The following NYAP2 variants were observed in gnomAD, a reference collection of about 807,000 sequenced individuals.
NYAP2 encodes neuronal tyrosine-phosphorylated phosphoinositide-3-kinase adaptor 2.
NYAP2 carries 23 observed loss-of-function variants against 50.4 expected under a neutral mutation model. The ratio of observed to expected loss-of-function variants is 0.46; its 90% CI spans 0.33 to 0.65. NYAP2 has a LOEUF of 0.65. NYAP2 is among the 30% of genes least tolerant of loss of function. NYAP2 has a pLI of 0.02. For synonymous variants in NYAP2, 394 were observed against 365.2 expected (o/e 1.08, Z -0.90); for missense variants, 885 against 861.0 (o/e 1.03, Z -0.35).
At chr2:225,555,569 C>T (rs1377969457) in intron 4 of NYAP2, among the ~76,000 whole-genome samples, 1 of 152,130 alleles carries the variant, frequency 6.6e-6, no homozygotes. Context: ...AGATGTGTGA[C>T]CCATCCATCT....
intron 4 of NYAP2, among the ~76,000 whole-genome samples, chr2:225,529,803 G>A (rs956163811): frequency 6.6e-6 from 1 of 152,190 alleles, no homozygotes; most frequent in African/African-American, 2.4e-5. Context: ...TGCCTCCTGG[G>A]TTCAAGCAAT....
the NYAP2 span, among the ~76,000 whole-genome samples, chr2:225,695,176 C>T: frequency 1.3e-5 from 2 of 151,530 alleles, no homozygotes; most frequent in African/African-American, 2.4e-5. Context: ...TAATACAGTA[C>T]ACTGTATATA....
intron 3 of NYAP2, among the ~76,000 whole-genome samples, chr2:225,477,910 TGGA>T (rs1690144558): frequency 6.6e-6 from 1 of 151,834 alleles, no homozygotes; most frequent in Non-Finnish European, 1.5e-5. Context: ...CATGGCCTAG[TGGA>T]GGAGGAGGAG....
chr2:225,594,277 A>G (rs1384641821), intron 5 of NYAP2, among the ~76,000 whole-genome samples: 1 of 152,184 alleles, frequency 6.6e-6, no homozygotes, highest in African/African-American at 2.4e-5. Flanking sequence ...TAATCCCAGC[A>G]CTTTGGAAGG....
the NYAP2 span, among the ~76,000 whole-genome samples, chr2:225,697,402 C>A: frequency 6.6e-6 from 1 of 151,958 alleles, no homozygotes; most frequent in East Asian, 1.9e-4. Flanking sequence ...GCCGAAGCAT[C>A]AAAAACTATA....
chr2:225,587,973 G>A (rs1025254255), intron 5 of NYAP2, among the ~76,000 whole-genome samples: 1 of 151,886 alleles, frequency 6.6e-6, no homozygotes, highest in Non-Finnish European at 1.5e-5. Context: ...AGCCCATGCT[G>A]GAGTGCAGTG....
rs75041096 is a variant in NYAP2, at chr2:225,494,957, C to T, written c.222-18414C>T. Among the ~76,000 whole-genome samples the T allele has an allele frequency of 2.7e-3, 414 of 152,266 alleles. 9 individuals are homozygous for T. In the East Asian group the frequency reaches 0.061, roughly 22 times the overall value. On this transcript the variant is annotated intron_variant, in intron 3 of 6. Transcript: ENST00000636099. ...CTAGTATATGTAAAAACCAGTAATG[C>T]ATGAACTTTATGCAAATTCTTTGAA...
chr2:225,621,184 A>G (rs1693098640), intron 5 of NYAP2, among the ~76,000 whole-genome samples: 1 of 151,732 alleles, frequency 6.6e-6, no homozygotes, highest in South Asian at 2.1e-4. Context: ...CTTTGAGGCT[A>G]TGACGTTTGG....
At chr2:225,481,373 A>T (rs914404071) in intron 3 of NYAP2, among the ~76,000 whole-genome samples, 1 of 152,226 alleles carries the variant, frequency 6.6e-6, no homozygotes, top group African/African-American at 2.4e-5. Flanking sequence ...TTGTTAGAAA[A>T]TGCTCTAGGA....
intron 4 of NYAP2, among the ~76,000 whole-genome samples, chr2:225,535,427 A>G (rs534593078): frequency 5.3e-5 from 8 of 152,348 alleles, no homozygotes; most frequent in African/African-American, 1.7e-4. Context: ...GAGTGTTACA[A>G]GTGGCAAAAA....
chr2:225,632,538 G>T (rs1239655096), intron 6 of NYAP2, among the ~76,000 whole-genome samples: 1 of 152,214 alleles, frequency 6.6e-6, no homozygotes. Flanking sequence ...TAAAGCAAAT[G>T]TGTCAGGAGA....
At chr2:225,553,901 G>A (rs1320587625) in intron 4 of NYAP2, among the ~76,000 whole-genome samples, 2 of 151,978 alleles carry the variant, frequency 1.3e-5, no homozygotes, top group South Asian at 2.1e-4. Flanking sequence ...GCTTGGCATG[G>A]TATTGCTACT....
At chr2:225,606,764 C>T (rs1037673369) in intron 5 of NYAP2, among the ~76,000 whole-genome samples, 2 of 152,064 alleles carry the variant, frequency 1.3e-5, no homozygotes, top group Admixed American at 6.6e-5. Flanking sequence ...ATTCAAATTC[C>T]TCTTATAAAG....
chr2:225,593,398 G>A (rs1256312468), intron 5 of NYAP2, among the ~76,000 whole-genome samples: 1 of 152,100 alleles, frequency 6.6e-6, no homozygotes, highest in African/African-American at 2.4e-5. Flanking sequence ...ATCTCCAAAG[G>A]GAGGACCCCC....
intron 4 of NYAP2, among the ~76,000 whole-genome samples, chr2:225,578,030 C>G (rs1020839236): frequency 6.6e-6 from 1 of 152,040 alleles, no homozygotes; most frequent in African/African-American, 2.4e-5. Context: ...CTCCTGGGTT[C>G]AAGCTATTCT....
At chr2:225,655,885 TACACACACACACACACACACAC>T (rs372646871), downstream of NYAP2, among the ~76,000 whole-genome samples, 8 of 121,146 alleles carry the variant, frequency 6.6e-5, no homozygotes, top group African/African-American at 2.5e-4. Flanking sequence ...CAACCTCCAC[TACACACACACACACACACACAC>T]ACACACACAC....
At chr2:225,468,856 A>G (rs1216835018) in intron 3 of NYAP2, among the ~76,000 whole-genome samples, 1 of 152,228 alleles carries the variant, frequency 6.6e-6, no homozygotes. Context: ...TGTAAAGGTA[A>G]TAGTTTGGAC....
chr2:225,474,286 G>A (rs796399815), intron 3 of NYAP2, among the ~76,000 whole-genome samples: 3 of 152,056 alleles, frequency 2.0e-5, no homozygotes, highest in South Asian at 2.1e-4. Context: ...TTGACTTGGC[G>A]ATGAGGGCTC....
intron 4 of NYAP2, among the ~76,000 whole-genome samples, chr2:225,572,090 C>T (rs1692083287): frequency 6.6e-6 from 1 of 152,232 alleles, no homozygotes; most frequent in African/African-American, 2.4e-5. Context: ...CTTCAGCCTG[C>T]ACTTCATTGT....
Sources: gnomAD v4.1 joint callset for allele counts (sites outside exome capture counted in the v4.1 genomes callset) on GRCh38, gnomAD v4.1.1 for gene constraint, MANE v1.5 for transcripts, NCBI Gene and HGNC (gene_info 2026-07-23, HGNC 2026-07-21) for gene names.